The following PGM5 variants were observed in gnomAD, a reference collection of about 807,000 sequenced individuals.
The protein encoded by PGM5 is phosphoglucomutase 5.
A neutral mutation model predicts 59.2 loss-of-function variants in PGM5; 23 were observed. The observed-to-expected ratio is 0.39, with a 90% CI of 0.28 to 0.55. The LOEUF is 0.55. Among genes scored for constraint, PGM5 ranks in the 20% least tolerant of loss-of-function variants. The pLI, the probability that PGM5 is intolerant of heterozygous loss-of-function variation, is 0.66. For synonymous variants in PGM5, 214 were observed against 286.0 expected (o/e 0.75, Z 2.54); for missense variants, 574 against 748.3 (o/e 0.77, Z 2.72).
intron 6 of PGM5, among the ~76,000 whole-genome samples, chr9:68,441,806 T>C (rs782490875): frequency 6.6e-6 from 1 of 151,844 alleles, no homozygotes; most frequent in Non-Finnish European, 1.5e-5. Flanking sequence ...GGAAAAAAAA[T>C]ATGGATTCTA....
At chr9:68,403,196 T>C (rs1822713283) in intron 6 of PGM5, among the ~76,000 whole-genome samples, 2 of 152,178 alleles carry the variant, frequency 1.3e-5, no homozygotes, top group African/African-American at 4.8e-5. Context: ...CAAATCCTAC[T>C]GTGAACTGTG....
intron 6 of PGM5, among the ~76,000 whole-genome samples, chr9:68,431,444 A>T (rs1003953265): frequency 1.3e-5 from 2 of 152,190 alleles, no homozygotes; most frequent in Non-Finnish European, 2.9e-5. Flanking sequence ...GTGAGGCTGC[A>T]AATACTCAGA....
chr9:68,433,416 T>C (rs539512258), intron 6 of PGM5, among the ~76,000 whole-genome samples: 2 of 152,326 alleles, frequency 1.3e-5, no homozygotes, highest in East Asian at 3.9e-4. Flanking sequence ...CTTTAAAAGA[T>C]TGTTGAGAGC....
At position 68,357,189 on chromosome 9, in the gene PGM5, C is replaced by T. The variant is rs1834468130; in HGVS notation, c.62C>T (p.Pro21Leu). The T allele has an allele frequency of 1.9e-6, 3 of 1,539,684 alleles. No individual in the cohort carries two copies. Among genetic ancestry groups the T allele is most frequent in the Non-Finnish European group, 8.7e-7 (1 of 1,145,752 alleles). The change falls in exon 1 of 11, where the codon CCG (proline) becomes CTG (leucine). Residue 21 changes from proline to leucine, a missense_variant. Coordinates refer to ENST00000396396, the MANE Select transcript of PGM5 (RefSeq NM_021965.4). ...VPTAPYEDQR[P>L]AGGGGLRRPT... ...ACCGCGCCCTACGAGGACCAGCGGC[C>T]GGCCGGCGGCGGGGGTCTGCGGCGA...
intron 10 of PGM5, among the ~76,000 whole-genome samples, chr9:68,502,353 C>T (rs150441392): frequency 3.2e-4 from 48 of 152,274 alleles, no homozygotes; most frequent in Non-Finnish European, 5.6e-4. Context: ...TCACAGGTAA[C>T]CAGAAACAGT....
chr9:68,402,200 C>A (rs1347551817), intron 6 of PGM5, among the ~76,000 whole-genome samples: 2 of 152,166 alleles, frequency 1.3e-5, no homozygotes, highest in Non-Finnish European at 2.9e-5. Context: ...GGAGGCAGAG[C>A]TTGCAGTGAG....
chr9:68,527,289 T>A (rs1347540933), intron 10 of PGM5, among the ~76,000 whole-genome samples: 1 of 152,240 alleles, frequency 6.6e-6, no homozygotes, highest in East Asian at 1.9e-4. Context: ...TTCATTTTCA[T>A]TGCATTTTCT....
intron 7 of PGM5, among the ~76,000 whole-genome samples, chr9:68,478,644 A>G (rs79629783): frequency 0.023 from 3,431 of 152,240 alleles, 54 homozygotes; most frequent in African/African-American, 0.052. Context: ...GTGGCTCCAC[A>G]TGTTCCATGA....
At chr9:68,417,548 T>C (rs563416744) in intron 6 of PGM5, among the ~76,000 whole-genome samples, 10 of 152,260 alleles carry the variant, frequency 6.6e-5, no homozygotes, top group African/African-American at 2.2e-4. Context: ...CAGGGTGATA[T>C]TCAAAATATA....
intron 7 of PGM5, among the ~76,000 whole-genome samples, chr9:68,472,862 C>T (rs1216828990): frequency 6.6e-6 from 1 of 152,192 alleles, no homozygotes; most frequent in East Asian, 1.9e-4. Context: ...AGCCACATTG[C>T]CCACAGCACA....
chr9:68,400,574 T>G (rs1554680503), intron 6 of PGM5: 1 of 152,642 alleles, frequency 6.6e-6, no homozygotes, highest in African/African-American at 2.4e-5. Flanking sequence ...TCAACATGCT[T>G]CTTTTGACTT....
At chr9:68,444,776 A>G (rs115953965) in intron 6 of PGM5, among the ~76,000 whole-genome samples, 278 of 152,344 alleles carry the variant, frequency 1.8e-3, no homozygotes, top group African/African-American at 6.6e-3. Context: ...TCAGATCACC[A>G]TGGTGGGTTA....
Position 68,387,366 on chromosome 9 carries a change from A to G in PGM5, c.572-97A>G, listed in dbSNP as rs1253378974. 13 of 1,059,898 alleles carry G rather than the reference A, an allele frequency of 1.2e-5. No homozygotes were observed. In the Admixed American group the frequency reaches 2.7e-4, roughly 22 times the overall value. The allele number at this position is 1,059,898 out of a possible 1,614,324, so 65.7% of individuals were successfully genotyped here. A position where few individuals can be genotyped will look rare whatever the true frequency, so the allele number is the denominator to read the frequency against. ...GCAGGGATATGATGGGCTTGTGACC[A>G]GAATTTCATGCTCTTAAGGTAGTGA... On this transcript the variant is annotated intron_variant, in intron 3 of 10. Coordinates refer to ENST00000396396, the MANE Select transcript of PGM5 (RefSeq NM_021965.4).
At chr9:68,508,988 G>A (rs1428307223) in intron 10 of PGM5, among the ~76,000 whole-genome samples, 2 of 152,218 alleles carry the variant, frequency 1.3e-5, no homozygotes, top group Admixed American at 1.3e-4. Flanking sequence ...CCTTCAGAAG[G>A]AAGCTCTGGA....
At chr9:68,373,212 C>T (rs1821786337) in intron 1 of PGM5, among the ~76,000 whole-genome samples, 1 of 141,500 alleles carries the variant, frequency 7.1e-6, no homozygotes, top group Admixed American at 7.2e-5. Flanking sequence ...CCATGTCTTA[C>T]CTTAGAAGCC....
At chr9:68,378,165 G>C (rs391727) in intron 1 of PGM5, 34 bp from the exon 2 acceptor site, 247,583 of 1,195,480 alleles carry the variant, frequency 0.21, 50,293 homozygotes, top group Admixed American at 0.3. Flanking sequence ...TAATCCCAAG[G>C]AACTGGATTG....
chr9:68,387,168 G>A (rs1339731265), intron 3 of PGM5, among the ~76,000 whole-genome samples: 29 of 152,060 alleles, frequency 1.9e-4, no homozygotes, highest in African/African-American at 6.7e-4. Flanking sequence ...AGGAGTAACA[G>A]GGCACATTTT....
At position 68,450,835 on chromosome 9, in the gene PGM5, G is replaced by C. The variant is rs142781142; in HGVS notation, c.1044-14258G>C. Among the ~76,000 whole-genome samples, 4 of 152,132 alleles carry C rather than the reference G, an allele frequency of 2.6e-5. No homozygotes were observed. In the East Asian group the frequency reaches 7.7e-4, roughly 29 times the overall value. ...TTGCATGTGTCTGTATCTCATATTC[G>C]AAATCTGCATAATTAACTGCATTGG... On this transcript the variant is annotated intron_variant, in intron 6 of 10. Coordinates refer to ENST00000396396, the MANE Select transcript of PGM5 (RefSeq NM_021965.4).
At chr9:68,497,669 T>C (rs1824503440) in intron 9 of PGM5, 1 of 152,222 alleles carries the variant, frequency 6.6e-6, no homozygotes, top group South Asian at 2.1e-4. Flanking sequence ...CAGAGAAATT[T>C]CAAGGATAAA....
Sources: allele counts gnomAD v4.1 joint callset (sites outside exome capture counted in the v4.1 genomes callset), GRCh38; gene constraint gnomAD v4.1.1; transcripts MANE v1.5; gene names NCBI Gene and HGNC (gene_info 2026-07-23, HGNC 2026-07-21).